The following PDE5A variants were observed in gnomAD, a reference collection of about 807,000 sequenced individuals.
The protein encoded by PDE5A is cGMP-specific 3',5'-cyclic phosphodiesterase.
Under a neutral mutation model 110.2 loss-of-function variants are expected in PDE5A, and 67 were observed. The ratio of observed to expected loss-of-function variants is 0.61; its 90% CI spans 0.50 to 0.75. PDE5A has a LOEUF of 0.75. Among genes scored for constraint, PDE5A ranks in the 30% least tolerant of loss-of-function variants. The pLI is 0.00. For missense variants in PDE5A, 862 were observed against 1,045.1 expected, an observed-to-expected ratio of 0.82 and a Z score of 2.42; for synonymous variants, 328 against 351.2, an observed-to-expected ratio of 0.93 and a Z score of 0.74.
At chr4:119,501,957 A>G (rs1214851341) in intron 19 of PDE5A, among the ~76,000 whole-genome samples, 1 of 152,076 alleles carries the variant, frequency 6.6e-6, no homozygotes, top group African/African-American at 2.4e-5. Context: ...ATAAACATCT[A>G]TGATAGATGA....
rs1276610199 is a variant in PDE5A at position 119,622,751 on chromosome 4, T to G, written c.152+5769A>C. Among the ~76,000 whole-genome samples the G allele has an allele frequency of 4.2e-4, 63 of 150,990 alleles. 2 individuals are homozygous for G. Among genetic ancestry groups the G allele is most frequent in the Admixed American group, 4.2e-3 (63 of 15,124 alleles). The stretch of plus-strand genomic sequence containing the variant: ...AGCTGGGTGTGGTGGTGGGCACCTG[T>G]GGTCCCAGCTACTCGGGAGTCTGAG... On this transcript the variant is annotated intron_variant, in intron 1 of 20. Coordinates refer to ENST00000354960, the MANE Select transcript of PDE5A (RefSeq NM_001083.4).
chr4:119,625,249 G>C (rs545808088), intron 1 of PDE5A, among the ~76,000 whole-genome samples: 1 of 151,998 alleles, frequency 6.6e-6, no homozygotes, highest in Non-Finnish European at 1.5e-5. Flanking sequence ...TGCCCGCCTC[G>C]GCCTCCCAAA....
At chr4:119,602,445 G>C (rs543382457) in intron 2 of PDE5A, among the ~76,000 whole-genome samples, 2 of 152,126 alleles carry the variant, frequency 1.3e-5, no homozygotes, top group South Asian at 4.1e-4. Context: ...ATTTTAAAAA[G>C]GAAACAACAC....
chr4:119,587,114 C>A (rs1377369151), intron 3 of PDE5A, among the ~76,000 whole-genome samples: 1 of 152,104 alleles, frequency 6.6e-6, no homozygotes, highest in Non-Finnish European at 1.5e-5. Context: ...GTCACTATCA[C>A]AACCTCAAGT....
intron 5 of PDE5A, among the ~76,000 whole-genome samples, chr4:119,564,906 A>G (rs945485611): frequency 1.3e-5 from 2 of 152,108 alleles, no homozygotes; most frequent in Non-Finnish European, 2.9e-5. Context: ...AGTTGGGAAA[A>G]AGAGATAAAG....
intron 3 of PDE5A, among the ~76,000 whole-genome samples, chr4:119,593,915 TA>T (rs902715156): frequency 6.6e-6 from 1 of 151,848 alleles, no homozygotes; most frequent in African/African-American, 2.4e-5. Context: ...TGAGTACAAG[TA>T]GGGGAAATGC....
Position 119,628,722 on chromosome 4 carries a change from G to C in PDE5A, c.-51C>G, listed in dbSNP as rs1358230744. Reference sequence around the variant, plus strand: ...TCTCTGGTACTGCTTTTCCACCCCAGCTGGGGTCCGTCCCTCAGAAGAACA... The same window carrying C: ...TCTCTGGTACTGCTTTTCCACCCCACCTGGGGTCCGTCCCTCAGAAGAACA... On this transcript the variant is annotated 5_prime_UTR_variant, in exon 1 of 21. Coordinates refer to ENST00000354960, the MANE Select transcript of PDE5A (RefSeq NM_001083.4). 3 of 1,597,672 alleles carry C rather than the reference G, an allele frequency of 1.9e-6. No homozygotes were observed. Among genetic ancestry groups the C allele is most frequent in the Non-Finnish European group, 2.5e-6 (3 of 1,176,928 alleles).
intron 1 of PDE5A, chr4:119,628,161 A>C: frequency 2.4e-6 from 1 of 411,134 alleles, no homozygotes; most frequent in Non-Finnish European, 3.3e-6. Context: ...GGGGCTCAGA[A>C]ACTGTTTGGG....
At position 119,498,425 on chromosome 4, in the gene PDE5A, G is replaced by GT; in HGVS notation, c.*175dup. The GT allele has an allele frequency of 1.6e-6, 1 of 612,366 alleles. No homozygotes were observed. The highest frequency in any genetic ancestry group is 2.3e-5 in the South Asian group (1 of 42,942). The allele number at this position is 612,366 out of a possible 1,614,324, so 37.9% of individuals were successfully genotyped here. A position where few individuals can be genotyped will look rare whatever the true frequency, so the allele number is the denominator to read the frequency against. ...CATAAAACAAATATACAAAAAATAT[G>GT]TAATAGTCCTCTAAAAACATTCATG... On this transcript the variant is annotated 3_prime_UTR_variant, in exon 21 of 21. Coordinates refer to ENST00000354960, the MANE Select transcript of PDE5A (RefSeq NM_001083.4).
chr4:119,504,517 T>G lies in PDE5A; in HGVS notation c.2331+19A>C. 3 of 1,588,548 alleles carry G rather than the reference T, an allele frequency of 1.9e-6. No individual in the cohort carries two copies. In the African/African-American group the frequency reaches 4.0e-5, roughly 21 times the overall value. On this transcript the variant is annotated intron_variant, in intron 18 of 20. Coordinates refer to ENST00000354960, the MANE Select transcript of PDE5A (RefSeq NM_001083.4). ...TATTTTGACTTTTTAATTATTGTTA[T>G]TGTCACTAAGTAACATACCCGTTGT...
At chr4:119,556,885 A>C (rs1032395530) in intron 7 of PDE5A, among the ~76,000 whole-genome samples, 1 of 152,364 alleles carries the variant, frequency 6.6e-6, no homozygotes, top group East Asian at 1.9e-4. Flanking sequence ...TGATGATTTC[A>C]GGCTGAAAAT....
chr4:119,622,643 G>A (rs1425129972), intron 1 of PDE5A, among the ~76,000 whole-genome samples: 1 of 152,068 alleles, frequency 6.6e-6, no homozygotes, highest in African/African-American at 2.4e-5. Flanking sequence ...AGAGGCCGAG[G>A]TGGGTGGACC....
chr4:119,537,892 G>C (rs1726783044), intron 11 of PDE5A, among the ~76,000 whole-genome samples: 1 of 152,088 alleles, frequency 6.6e-6, no homozygotes, highest in Non-Finnish European at 1.5e-5. Flanking sequence ...GTGTAAAAGA[G>C]AGTGGAGGAG....
chr4:119,588,631 GAC>G (rs1403978282), intron 3 of PDE5A, among the ~76,000 whole-genome samples: 1 of 150,762 alleles, frequency 6.6e-6, no homozygotes, highest in African/African-American at 2.4e-5. Flanking sequence ...TAAATGAGCA[GAC>G]ACAATCATAA....
chr4:119,595,253 C>A (rs1051427200), intron 3 of PDE5A, among the ~76,000 whole-genome samples: 1 of 152,122 alleles, frequency 6.6e-6, no homozygotes, highest in South Asian at 2.1e-4. Flanking sequence ...GCATCAAGTA[C>A]TTCTAATATG....
In PDE5A at chr4:119,606,955, G is replaced by C; in HGVS notation, c.495C>G (p.Val165=). 1.2e-6 allele frequency: 2 copies of C among 1,614,140 alleles called. No homozygotes were observed. Among genetic ancestry groups the C allele is most frequent in the Non-Finnish European group, 1.7e-6 (2 of 1,179,986 alleles). The change falls in exon 2 of 21, where the codon GTC becomes GTG. Residue 165 remains valine (V), a synonymous_variant. Transcript: ENST00000354960. ...LVKDISSHLD[V]TALCHKIFLH... ...AGAAAATTTTGTGACATAAGGCTGT[G>C]ACATCCAAATGACTAGAAATATCCT...
At chr4:119,581,877 T>C (rs1203470817) in intron 3 of PDE5A, among the ~76,000 whole-genome samples, 4 of 152,242 alleles carry the variant, frequency 2.6e-5, no homozygotes, top group Non-Finnish European at 4.4e-5. Flanking sequence ...CATACCATAA[T>C]TAAAAAATAC....
chr4:119,607,365 A>C, intron 1 of PDE5A, 68 bp from the exon 2 acceptor site: 1 of 840,364 alleles, frequency 1.2e-6, no homozygotes, highest in South Asian at 1.7e-5. Flanking sequence ...GAGAGCTCCT[A>C]AACATCTTCT....
rs1274978806 is a variant in PDE5A at position 119,542,529 on chromosome 4, A to G, written c.1502T>C (p.Leu501Ser). The change falls in exon 10 of 21, where the codon TTG becomes TCG. Residue 501 changes from leucine (L) to serine (S), a missense_variant. By Grantham distance (145) the Leu-to-Ser change is moderately radical. Transcript: ENST00000354960. ...ATACATCTGCGTGTTCTGGATCCCC[A>G]AGCCACAAAAGATGACAAAAGCTTC... is the stretch of plus-strand genomic sequence containing the variant. ...FLEAFVIFCG[L>S]GIQNTQMYEA... 6.2e-7 allele frequency: 1 copy of G among 1,614,028 alleles called. No homozygotes were observed.
Sources: gnomAD v4.1 joint callset for allele counts (sites outside exome capture counted in the v4.1 genomes callset) on GRCh38, gnomAD v4.1.1 for gene constraint, MANE v1.5 for transcripts, NCBI Gene and HGNC (gene_info 2026-07-23, HGNC 2026-07-21) for gene names.